The following WDPCP variants were observed in gnomAD, a reference collection of about 807,000 sequenced individuals.
WDPCP encodes WD repeat-containing and planar cell polarity effector protein fritz homolog.
In WDPCP, 71 loss-of-function variants were observed where a neutral mutation model predicts 93.1. The observed-to-expected ratio is 0.76, with a 90% CI of 0.63 to 0.93. The LOEUF is 0.93. WDPCP is among the 40% of genes least tolerant of loss of function. WDPCP has a pLI of 0.00. For missense variants in WDPCP, 844 were observed against 887.4 expected (o/e 0.95, Z 0.62); for synonymous variants, 315 against 315.0 (o/e 1.00, Z 0.00).
At chr2:63,518,273 A>T (rs920954292) in intron 1 of WDPCP, 2 of 152,436 alleles carry the variant, frequency 1.3e-5, no homozygotes, top group Admixed American at 1.3e-4. Context: ...GGATGAAGGG[A>T]TGGCACTGGG....
chr2:63,352,938 CCTTT>C (rs1689735462), intron 12 of WDPCP, among the ~76,000 whole-genome samples: 1 of 151,994 alleles, frequency 6.6e-6, no homozygotes. Context: ...AGGTAGTGGC[CCTTT>C]CTAATAAAAA....
chr2:63,747,101 G>A (rs970947311), intron 2 of WDPCP, among the ~76,000 whole-genome samples: 8 of 152,004 alleles, frequency 5.3e-5, no homozygotes, highest in Non-Finnish European at 1.0e-4. Flanking sequence ...AATATCGGGG[G>A]CTGAATTTTC....
At chr2:63,432,921 C>G (rs942951875) in intron 9 of WDPCP, among the ~76,000 whole-genome samples, 1 of 151,992 alleles carries the variant, frequency 6.6e-6, no homozygotes, top group Admixed American at 6.6e-5. Flanking sequence ...CATCTTATCT[C>G]GAATACTAAT....
intron 9 of WDPCP, among the ~76,000 whole-genome samples, chr2:63,426,495 A>T (rs974761310): frequency 6.6e-6 from 1 of 152,222 alleles, no homozygotes; most frequent in Non-Finnish European, 1.5e-5. Flanking sequence ...CAAACAAGTA[A>T]TGCTAAGGGA....
chr2:63,353,179 A>G (rs1046097543), intron 12 of WDPCP, among the ~76,000 whole-genome samples: 5 of 151,808 alleles, frequency 3.3e-5, no homozygotes, highest in African/African-American at 1.2e-4. Flanking sequence ...ATGTGAACCC[A>G]CTCCACCGGG....
intron 6 of WDPCP, chr2:63,441,284 A>C (rs549599122): frequency 6.6e-6 from 1 of 152,044 alleles, no homozygotes; most frequent in Non-Finnish European, 1.5e-5. Context: ...GCAAATGGTG[A>C]TATTTCCCTT....
intron 14 of WDPCP, among the ~76,000 whole-genome samples, chr2:63,215,942 A>T (rs1215869610): frequency 6.6e-6 from 1 of 152,258 alleles, no homozygotes; most frequent in East Asian, 1.9e-4. Flanking sequence ...TGCAGCCAAA[A>T]GACACATGAA....
Position 63,435,466 on chromosome 2 carries a change from G to A in WDPCP, c.634-1530C>T, listed in dbSNP as rs560263445. Among the ~76,000 whole-genome samples the A allele has an allele frequency of 5.9e-5, 9 of 152,142 alleles. No homozygotes were observed. In the South Asian group the frequency reaches 1.7e-3, roughly 28 times the overall value. On this transcript the variant is annotated intron_variant, in intron 8 of 17. Coordinates refer to ENST00000272321, the MANE Select transcript of WDPCP (RefSeq NM_015910.7). ...TCTTCTTATTTGAGAGAAATACCACGATGAAATTGCTAAGTACTTAAAAAT... is the reference window on the plus strand; with the variant it reads ...TCTTCTTATTTGAGAGAAATACCACAATGAAATTGCTAAGTACTTAAAAAT...
rs553820265 is a variant in WDPCP at position 63,291,860 on chromosome 2, G to A, written c.1812+21388C>T. ...AAAGAAAAAGAAAAGAAGGCCGGGCGCGGGGGCTCACGCCTGTAATCCCAG... is the reference window on the plus strand; with the variant it reads ...AAAGAAAAAGAAAAGAAGGCCGGGCACGGGGGCTCACGCCTGTAATCCCAG... On this transcript the variant is annotated intron_variant, in intron 13 of 17. Coordinates refer to ENST00000272321, the MANE Select transcript of WDPCP (RefSeq NM_015910.7). Among the ~76,000 whole-genome samples the A allele has an allele frequency of 1.3e-3, 190 of 151,062 alleles. 1 individual carries two copies. Among genetic ancestry groups the A allele is most frequent in the Admixed American group, 3.2e-3 (49 of 15,196 alleles).
At chr2:63,369,519 A>G in intron 12 of WDPCP, 3 of 456,578 alleles carry the variant, frequency 6.6e-6, no homozygotes, top group South Asian at 3.1e-5. Context: ...TGAGAGTAAT[A>G]AACAATTCCA....
intron 1 of WDPCP, among the ~76,000 whole-genome samples, chr2:63,501,762 G>A (rs899794536): frequency 6.6e-6 from 1 of 152,078 alleles, no homozygotes; most frequent in African/African-American, 2.4e-5. Context: ...GATTACAGGC[G>A]TGAGCCACCA....
chr2:63,683,904 A>ATTCAGCAAGAG (rs1668768419), intron 2 of WDPCP, among the ~76,000 whole-genome samples: 1 of 152,126 alleles, frequency 6.6e-6, no homozygotes, highest in Non-Finnish European at 1.5e-5. Context: ...AAAGGGGTTA[A>ATTCAGCAAGAG]TTCAGCAAGA....
intron 3 of WDPCP, among the ~76,000 whole-genome samples, chr2:63,612,367 G>A (rs573044620): frequency 5.9e-5 from 9 of 152,212 alleles, no homozygotes; most frequent in African/African-American, 1.4e-4. Context: ...ATCGAAATAC[G>A]CCACCCCAAA....
At chr2:63,798,554 C>T (rs189251199) in intron 2 of WDPCP, among the ~76,000 whole-genome samples, 51 of 151,278 alleles carry the variant, frequency 3.4e-4, no homozygotes, top group African/African-American at 1.2e-3. Context: ...TAACCTCAAG[C>T]CAAAACACAT....
chr2:63,636,483 G>A (rs1454923291), intron 3 of WDPCP, among the ~76,000 whole-genome samples: 1 of 152,072 alleles, frequency 6.6e-6, no homozygotes, highest in Non-Finnish European at 1.5e-5. Context: ...AGACTGGAGG[G>A]CAATGTGAAA....
rs1553604092 is a variant in WDPCP, at chr2:63,313,870, A to ATGTGTGTGTGTG, written c.1749-560_1749-559insCACACACACACA. ...TATTCATACATATATATATATATAT[A>ATGTGTGTGTGTG]TATATATATATATATATTTTTTTTT... On this transcript the variant is annotated intron_variant, in intron 12 of 17. Transcript: ENST00000272321. 2.2e-3 allele frequency among the ~76,000 whole-genome samples: 109 copies of ATGTGTGTGTGTG among 48,674 alleles called. 1 individual carries two copies. Among genetic ancestry groups the ATGTGTGTGTGTG allele is most frequent in the East Asian group, 0.022 (46 of 2,064 alleles). The allele number at this position is 48,674 out of a possible 152,430, so 31.9% of individuals were successfully genotyped here.
chr2:63,446,890 G>A (rs946167245), intron 6 of WDPCP, among the ~76,000 whole-genome samples: 10 of 152,078 alleles, frequency 6.6e-5, no homozygotes, highest in Non-Finnish European at 1.2e-4. Context: ...TAACTTATCC[G>A]TGAGGTAATG....
At chr2:63,234,954 CTCT>C (rs1281637031) in intron 14 of WDPCP, among the ~76,000 whole-genome samples, 4 of 152,120 alleles carry the variant, frequency 2.6e-5, no homozygotes, top group African/African-American at 4.8e-5. Flanking sequence ...CATCATTAAG[CTCT>C]TCTTCAAAAT....
chr2:63,428,513 G>C (rs1696486686), intron 9 of WDPCP, among the ~76,000 whole-genome samples: 1 of 152,112 alleles, frequency 6.6e-6, no homozygotes, highest in African/African-American at 2.4e-5. Context: ...ATGCAGAAAA[G>C]GCTTTCAATA....
Sources: allele counts gnomAD v4.1 joint callset (sites outside exome capture counted in the v4.1 genomes callset), GRCh38; gene constraint gnomAD v4.1.1; transcripts MANE v1.5; gene names NCBI Gene and HGNC (gene_info 2026-07-23, HGNC 2026-07-21).